The following FHIT variants were observed in gnomAD, a reference collection of about 807,000 sequenced individuals.
FHIT encodes fragile histidine triad diadenosine triphosphatase, also known as bis(5'-adenosyl)-triphosphatase.
Under a neutral mutation model 17.9 loss-of-function variants are expected in FHIT, and 19 were observed. The ratio of observed to expected loss-of-function variants is 1.06; its 90% CI spans 0.74 to 1.56. The LOEUF (loss-of-function observed/expected upper bound fraction) is 1.56. FHIT is among the 40% of genes most tolerant of loss of function. The pLI is 0.00. For synonymous variants in FHIT, 81 were observed against 69.7 expected (o/e 1.16, Z -0.81); for missense variants, 248 against 189.2 (o/e 1.31, Z -1.82).
chr3:60,923,717 T>C (rs1054716574), intron 3 of FHIT, among the ~76,000 whole-genome samples: 7 of 151,874 alleles, frequency 4.6e-5, no homozygotes, highest in African/African-American at 1.7e-4. Context: ...GGGTGCAGGA[T>C]AGTGGGTGCA....
intron 4 of FHIT, among the ~76,000 whole-genome samples, chr3:60,583,949 G>A (rs1230946914): frequency 6.6e-6 from 1 of 152,090 alleles, no homozygotes; most frequent in Admixed American, 6.6e-5. Flanking sequence ...TCTTCTTGGG[G>A]AAATATTACA....
At chr3:60,693,269 C>T (rs1437108716) in intron 4 of FHIT, among the ~76,000 whole-genome samples, 1 of 152,134 alleles carries the variant, frequency 6.6e-6, no homozygotes, top group Non-Finnish European at 1.5e-5. Flanking sequence ...AGAAATTATA[C>T]CTTCATAAAA....
In FHIT at chr3:60,554,280, A is replaced by G. The variant is rs560918040; in HGVS notation, c.-17-17301T>C. Among the ~76,000 whole-genome samples the G allele has an allele frequency of 2.0e-5, 3 of 152,072 alleles. No individual in the cohort carries two copies. In the South Asian group the frequency reaches 6.2e-4, roughly 32 times the overall value. ...GAACAAACAAAACGAAACCCAAATC[A>G]TGTTTTTCATGTGGACTGTAATAGC... On this transcript the variant is annotated intron_variant, in intron 4 of 9. Transcript: ENST00000492590.
intron 5 of FHIT, among the ~76,000 whole-genome samples, chr3:60,101,520 G>A (rs906148768): frequency 6.6e-6 from 1 of 152,090 alleles, no homozygotes; most frequent in Non-Finnish European, 1.5e-5. Flanking sequence ...CCCACCCCAT[G>A]CTATTTTCTA....
chr3:60,741,931 C>T (rs538937112), intron 4 of FHIT, among the ~76,000 whole-genome samples: 2 of 152,272 alleles, frequency 1.3e-5, no homozygotes, highest in South Asian at 4.1e-4. Flanking sequence ...AAAATAGATT[C>T]CCAGGCTCCC....
intron 5 of FHIT, among the ~76,000 whole-genome samples, chr3:60,234,443 A>G (rs573411131): frequency 6.6e-6 from 1 of 152,312 alleles, no homozygotes; most frequent in East Asian, 1.9e-4. Context: ...GCACATACAC[A>G]TATAGTCTTT....
At chr3:59,980,910 C>T (rs1487793109) in intron 7 of FHIT, among the ~76,000 whole-genome samples, 1 of 152,134 alleles carries the variant, frequency 6.6e-6, no homozygotes, top group Non-Finnish European at 1.5e-5. Flanking sequence ...ACAATGTGTC[C>T]TAAAATTAAT....
rs905975102 is a variant in FHIT, at chr3:60,595,228, T to C, written c.-17-58249A>G. Among the ~76,000 whole-genome samples, 14 of 152,082 alleles carry C rather than the reference T, an allele frequency of 9.2e-5. No individual in the cohort carries two copies. The South Asian group carries it at 2.1e-3, about 23-fold the overall frequency. ...AACAGAGAAAAAAGCTAGGAGCCAA[T>C]AGCAACCAATTCAGGGGTCAGAGTG... On this transcript the variant is annotated intron_variant, in intron 4 of 9. Transcript: ENST00000492590.
intron 2 of FHIT, among the ~76,000 whole-genome samples, chr3:61,061,736 A>G (rs2034438317): frequency 6.6e-6 from 1 of 152,196 alleles, no homozygotes; most frequent in South Asian, 2.1e-4. Flanking sequence ...CTACGTTTCC[A>G]TTCCAAACTC....
chr3:61,139,754 A>G (rs2037022441), intron 2 of FHIT, among the ~76,000 whole-genome samples: 1 of 152,178 alleles, frequency 6.6e-6, no homozygotes, highest in Non-Finnish European at 1.5e-5. Flanking sequence ...ATGTGGTACT[A>G]TAATCTTACA....
At chr3:61,220,735 T>C (rs2039814134) in intron 1 of FHIT, among the ~76,000 whole-genome samples, 1 of 152,174 alleles carries the variant, frequency 6.6e-6, no homozygotes. Context: ...ATATTATAAG[T>C]TTTCACTATT....
At chr3:60,260,361 A>G (rs546698252) in intron 5 of FHIT, among the ~76,000 whole-genome samples, 1 of 152,022 alleles carries the variant, frequency 6.6e-6, no homozygotes, top group South Asian at 2.1e-4. Context: ...TTAAAAAAAA[A>G]AAAAAGAAAA....
At chr3:59,822,551 T>G (rs1700833039) in intron 8 of FHIT, among the ~76,000 whole-genome samples, 1 of 152,062 alleles carries the variant, frequency 6.6e-6, no homozygotes, top group South Asian at 2.1e-4. Flanking sequence ...TGATCATTAG[T>G]GATATCGAGC....
chr3:60,714,193 T>G (rs2107944647), intron 4 of FHIT, among the ~76,000 whole-genome samples: 1 of 152,302 alleles, frequency 6.6e-6, no homozygotes, highest in South Asian at 2.1e-4. Context: ...CATACGATTA[T>G]CTCAATAGAT....
chr3:60,491,297 T>C (rs1021964491), intron 5 of FHIT, among the ~76,000 whole-genome samples: 1 of 151,940 alleles, frequency 6.6e-6, no homozygotes, highest in Non-Finnish European at 1.5e-5. Flanking sequence ...ACACACCCAC[T>C]CCCTTACACA....
At chr3:60,256,899 C>T (rs1207996759) in intron 5 of FHIT, among the ~76,000 whole-genome samples, 1 of 152,134 alleles carries the variant, frequency 6.6e-6, no homozygotes. Context: ...TGTGTGGAAC[C>T]TACGCAATGT....
intron 5 of FHIT, among the ~76,000 whole-genome samples, chr3:60,305,131 C>CT (rs145375404): frequency 0.024 from 3,619 of 151,226 alleles, 123 homozygotes; most frequent in African/African-American, 0.071. Flanking sequence ...CCTTTTTGTT[C>CT]TTTTTTTTTA....
chr3:59,800,960 C>A (rs2106976817), intron 8 of FHIT, among the ~76,000 whole-genome samples: 1 of 152,328 alleles, frequency 6.6e-6, no homozygotes, highest in African/African-American at 2.4e-5. Flanking sequence ...TCCTGATCAT[C>A]TCCCCCTTCC....
intron 5 of FHIT, among the ~76,000 whole-genome samples, chr3:60,164,102 C>G (rs1171576794): frequency 2.0e-5 from 3 of 152,098 alleles, no homozygotes; most frequent in Non-Finnish European, 4.4e-5. Flanking sequence ...GGTGGGAGAT[C>G]ATAAACTTAA....
Sources: gnomAD v4.1 joint callset for allele counts (sites outside exome capture counted in the v4.1 genomes callset) on GRCh38, gnomAD v4.1.1 for gene constraint, MANE v1.5 for transcripts, NCBI Gene and HGNC (gene_info 2026-07-23, HGNC 2026-07-21) for gene names.